Variants in AMY2B observed in about 807,000 individuals in gnomAD.
AMY2B encodes the protein amylase alpha 2B, also known as alpha-amylase 2B.
In AMY2B, 63 loss-of-function variants were observed where a neutral mutation model predicts 59.3. The observed-to-expected ratio is 1.06, with a 90% CI of 0.87 to 1.31. AMY2B has a LOEUF of 1.31. Ranked by LOEUF, AMY2B falls within the 50% of genes most tolerant of loss-of-function variation. The pLI is 0.00. For missense variants in AMY2B, 635 were observed against 626.7 expected, an observed-to-expected ratio of 1.01 and a Z score of -0.14; for synonymous variants, 180 against 198.1, an observed-to-expected ratio of 0.91 and a Z score of 0.77.
rs75811309 is a variant in AMY2B at position 103,578,125 on chromosome 1, C to T, written c.1346+280C>T. 2.7e-3 allele frequency among the ~76,000 whole-genome samples: 406 copies of T among 152,162 alleles called. 2 individuals carry two copies. The highest frequency in any genetic ancestry group is 0.014 in the Middle Eastern group (4 of 294). ...ATGCACATACATATGCTCACCTACA[C>T]ATGCCACAAAATACACAAAGTAGTT... On this transcript the variant is annotated intron_variant, in intron 9 of 9. Coordinates refer to ENST00000684275, the MANE Select transcript of AMY2B (RefSeq NM_001387437.1).
chr1:103,573,847 G>A lies in AMY2B; in HGVS notation c.653G>A (p.Trp218Ter). ...AGACTTGATGCTTCCAAGCACATGT[G>A]GCCTGGAGACATAAAGGCAATTTTG... Reference protein sequence around the residue: ...GFRLDASKHMWPGDIKAILDK... With the variant: ...GFRLDASKHM The change falls in exon 4 of 10, where the codon TGG (tryptophan) becomes TAG (stop). Residue 218 changes from tryptophan (W) to a stop codon, truncating the protein, a stop_gained. Transcript: ENST00000684275. LOFTEE classifies it high-confidence loss of function. The A allele has an allele frequency of 6.2e-7, 1 of 1,613,816 alleles. No individual in the cohort carries two copies. The highest frequency in any genetic ancestry group is 8.5e-7 in the Non-Finnish European group (1 of 1,179,776).
At chr1:103,575,577 A>G (rs768155736) in intron 7 of AMY2B, 37 bp downstream of exon 7, 2 of 1,609,136 alleles carry the variant, frequency 1.2e-6, no homozygotes, top group South Asian at 2.2e-5. Flanking sequence ...CCTTTTCTCA[A>G]GAAACAGAAG....
intron 7 of AMY2B, among the ~76,000 whole-genome samples, chr1:103,576,621 A>G (rs1240048408): frequency 2.0e-5 from 3 of 152,200 alleles, no homozygotes; most frequent in Non-Finnish European, 4.4e-5. Context: ...TCAGAAAAAC[A>G]TAATATTAAA....
In AMY2B at chr1:103,575,312, G is replaced by C; in HGVS notation, c.968G>C (p.Gly323Ala). Reference protein sequence around the residue: ...NHDNQRGHGAGGASILTFWDA... With the variant: ...NHDNQRGHGAAGASILTFWDA... Reference sequence around the variant, plus strand: ...GACAATCAACGAGGACATGGGGCTGGAGGAGCCTCTATTCTTACCTTCTGG... The same window carrying C: ...GACAATCAACGAGGACATGGGGCTGCAGGAGCCTCTATTCTTACCTTCTGG... Residue 323 changes from glycine (G) to alanine (A), a missense_variant, in exon 6 of 10, where the codon GGA becomes GCA. Transcript: ENST00000684275. 6.2e-7 allele frequency: 1 copy of C among 1,613,630 alleles called. No individual in the cohort carries two copies. Among genetic ancestry groups the C allele is most frequent in the Non-Finnish European group, 8.5e-7 (1 of 1,179,692 alleles).
intron 7 of AMY2B, among the ~76,000 whole-genome samples, chr1:103,576,097 G>T (rs572064120): frequency 6.6e-6 from 1 of 152,102 alleles, no homozygotes; most frequent in Non-Finnish European, 1.5e-5. Context: ...AAAAATATTT[G>T]GGAGTATGGT....
At position 103,574,356 on chromosome 1, in the gene AMY2B, A is replaced by T. The variant is rs762164525; in HGVS notation, c.841A>T (p.Ile281Phe). The T allele has an allele frequency of 2.5e-6, 4 of 1,611,700 alleles. No individual in the cohort carries two copies. In the East Asian group the frequency reaches 6.7e-5, roughly 27 times the overall value. Residue 281 changes from isoleucine to phenylalanine, a missense_variant, in exon 5 of 10, where the codon ATT becomes TTT. Ile to Phe is a conservative substitution (Grantham distance 21). Transcript: ENST00000684275. ...FKYGAKLGTV[I>F]RKWNGEKMSY... ...GTATGGTGCAAAACTCGGCACAGTT[A>T]TTCGCAAGTGGAATGGAGAGAAGAT...
At chr1:103,562,442 G>A (rs796959692) in intron 1 of AMY2B, among the ~76,000 whole-genome samples, 1 of 152,056 alleles carries the variant, frequency 6.6e-6, no homozygotes, top group Non-Finnish European at 1.5e-5. Flanking sequence ...TGGGGGAAGG[G>A]CTGGTGGTTG....
At chr1:103,565,466 A>T in exon 2 of AMY2B, 1 of 152,318 alleles carries the variant, frequency 6.6e-6, no homozygotes, top group East Asian at 1.9e-4. Flanking sequence ...GAACCCATGG[A>T]TATGGAGGGC....
chr1:103,563,534 A>G (rs1434654357), intron 1 of AMY2B, among the ~76,000 whole-genome samples: 1 of 152,088 alleles, frequency 6.6e-6, no homozygotes, highest in Admixed American at 6.6e-5. Flanking sequence ...TGCTTCTCCT[A>G]TGGGGTATAT....
At chr1:103,557,921 A>G (rs1265747308) in intron 1 of AMY2B, among the ~76,000 whole-genome samples, 1 of 152,176 alleles carries the variant, frequency 6.6e-6, no homozygotes, top group Admixed American at 6.5e-5. Context: ...TATCGAAGGA[A>G]AGGATGGAGG....
rs201518615 is a variant in AMY2B at position 103,577,467 on chromosome 1, T to G, written c.1102-23T>G. On this transcript the variant is annotated intron_variant, in intron 7 of 9. Coordinates refer to ENST00000684275, the MANE Select transcript of AMY2B (RefSeq NM_001387437.1). Reference sequence around the variant, plus strand: ...AGGTAAATATATGTATGTTAAAATTTGGCTTTTCACCCCCTAATTAAGGAT... The same window carrying G: ...AGGTAAATATATGTATGTTAAAATTGGGCTTTTCACCCCCTAATTAAGGAT... 262 of 1,611,840 alleles carry G rather than the reference T, an allele frequency of 1.6e-4. 1 individual carries two copies. In the African/African-American group the frequency reaches 3.2e-3, roughly 20 times the overall value.
At chr1:103,555,527 T>G (rs1651521368) in intron 1 of AMY2B, among the ~76,000 whole-genome samples, 1 of 152,158 alleles carries the variant, frequency 6.6e-6, no homozygotes, top group Non-Finnish European at 1.5e-5. Flanking sequence ...AGTCTTCCAT[T>G]TTTGTTCCCC....
At chr1:103,559,614 T>C (rs1229669242) in intron 1 of AMY2B, among the ~76,000 whole-genome samples, 2 of 151,688 alleles carry the variant, frequency 1.3e-5, no homozygotes, top group Non-Finnish European at 1.5e-5. Context: ...GATAATAACA[T>C]AAGAACTGGA....
At chr1:103,573,363 T>G in intron 3 of AMY2B, 103 bp downstream of exon 3, 7 of 1,568,798 alleles carry the variant, frequency 4.5e-6, no homozygotes, top group South Asian at 1.2e-5. Flanking sequence ...TTTAGATCTC[T>G]TAGGGACACA....
chr1:103,573,747 C>A lies in AMY2B; in HGVS notation c.553C>A (p.Leu185Met). The A allele has an allele frequency of 1.9e-6, 3 of 1,613,768 alleles. No individual in the cohort carries two copies. Among genetic ancestry groups the A allele is most frequent in the Non-Finnish European group, 2.5e-6 (3 of 1,179,744 alleles). ...CRLVGLLDLALEKDYVRSKIA... is the reference protein window; with the variant it reads ...CRLVGLLDLAMEKDYVRSKIA... ...TCTGGTTGGTCTTCTTGATCTTGCA[C>A]TGGAGAAAGATTATGTGCGTTCCAA... The change falls in exon 4 of 10, where the codon CTG becomes ATG. Residue 185 changes from leucine (L) to methionine (M), a missense_variant. Coordinates refer to ENST00000684275, the MANE Select transcript of AMY2B (RefSeq NM_001387437.1).
rs191494181 is a variant in AMY2B, at chr1:103,576,080, G to A, written c.1101+540G>A. Among the ~76,000 whole-genome samples, 11 of 152,278 alleles carry A rather than the reference G, an allele frequency of 7.2e-5. No individual in the cohort carries two copies. The East Asian group carries it at 1.7e-3, about 24-fold the overall frequency. On this transcript the variant is annotated intron_variant, in intron 7 of 9. Coordinates refer to ENST00000684275, the MANE Select transcript of AMY2B (RefSeq NM_001387437.1). ...TTAGAGAGTATTCCAAGAAAGGTAA[G>A]AATGAGAAAAATATTTGGGAGTATG...
Position 103,577,611 on chromosome 1 carries a change from G to T in AMY2B, c.1220+3G>T. 1 of 1,611,898 alleles carries T rather than the reference G, an allele frequency of 6.2e-7. No individual in the cohort carries two copies. Among genetic ancestry groups the T allele is most frequent in the Non-Finnish European group, 8.5e-7 (1 of 1,179,778 alleles). ...GAACATCGATGGCGCCAAATAAGGT[G>T]AGAATATGTATTTAGACATGTCCTC... On this transcript the variant is annotated splice_donor_region_variant and intron_variant, in intron 8 of 9. Coordinates refer to ENST00000684275, the MANE Select transcript of AMY2B (RefSeq NM_001387437.1).
In AMY2B at chr1:103,577,822, C is replaced by A. The variant is rs762233834; in HGVS notation, c.1323C>A (p.Phe441Leu). Residue 441 changes from phenylalanine to leucine, a missense_variant, in exon 9 of 10, where the codon TTC becomes TTA. By Grantham distance (22) the Phe-to-Leu change is conservative. Transcript: ENST00000684275. ...CTTTTGGGAGAGGAAACAGAGGATT[C>A]ATTGTTTTCAACAATGATGACTGGT... ...QVAFGRGNRG[F>L]IVFNNDDWTF... 1 of 1,603,944 alleles carries A rather than the reference C, an allele frequency of 6.2e-7. No individual in the cohort carries two copies. The highest frequency in any genetic ancestry group is 8.5e-7 in the Non-Finnish European group (1 of 1,179,708).
chr1:103,573,875 C>T lies in AMY2B; in HGVS notation c.681C>T (p.Asp227=), dbSNP rs1411571871. ...MWPGDIKAIL[D]KLHNLNSNWF... is the part of the protein sequence containing the mutation. ...CTGGAGACATAAAGGCAATTTTGGA[C>T]AAACTGCATAATCTAAACAGTAACT... Residue 227 remains aspartate (D), a synonymous_variant, in exon 4 of 10, where the codon GAC becomes GAT. Coordinates refer to ENST00000684275, the MANE Select transcript of AMY2B (RefSeq NM_001387437.1). 1 of 1,613,664 alleles carries T rather than the reference C, an allele frequency of 6.2e-7. No individual in the cohort carries two copies. The highest frequency in any genetic ancestry group is 8.5e-7 in the Non-Finnish European group (1 of 1,179,768).
Sources: allele counts gnomAD v4.1 joint callset (sites outside exome capture counted in the v4.1 genomes callset), GRCh38; gene constraint gnomAD v4.1.1; transcripts MANE v1.5; gene names NCBI Gene and HGNC (gene_info 2026-07-23, HGNC 2026-07-21).